The following HAUS2 variants were observed in gnomAD, a reference collection of about 807,000 sequenced individuals.
The protein encoded by HAUS2 is HAUS augmin like complex subunit 2.
Under a neutral mutation model 21.6 loss-of-function variants are expected in HAUS2, and 20 were observed. That is an observed-to-expected ratio of 0.93 (90% CI 0.65 to 1.35). The LOEUF (loss-of-function observed/expected upper bound fraction) is 1.35, where lower values mean the gene tolerates loss of function less well. Among genes scored for constraint, HAUS2 ranks in the 40% most tolerant of loss-of-function variants. The pLI is 0.00. For missense variants in HAUS2, 297 were observed against 280.7 expected, an observed-to-expected ratio of 1.06 and a Z score of -0.42; for synonymous variants, 113 against 95.6, an observed-to-expected ratio of 1.18 and a Z score of -1.06.
Position 42,558,208 on chromosome 15 carries a change from A to T in HAUS2, c.104A>T (p.Asn35Ile). ...TTCATTTACCAATAGGAGATGTTAA[A>T]CATGTCTAAGAAAACAGTTTCTTGT... ...ASGMVNQEML[N>I]MSKKTVSCFV... The change falls in exon 2 of 6, where the codon AAC becomes ATC. Residue 35 changes from asparagine to isoleucine, a missense_variant. Physicochemically the swap from Asn to Ile is moderately radical, Grantham distance 149. Coordinates refer to ENST00000260372, the MANE Select transcript of HAUS2 (RefSeq NM_018097.3). The T allele has an allele frequency of 7.0e-7, 1 of 1,434,148 alleles. No individual in the cohort carries two copies. The allele number at this position is 1,434,148 out of a possible 1,614,324, so 88.8% of individuals were successfully genotyped here.
intron 1 of HAUS2, among the ~76,000 whole-genome samples, chr15:42,557,329 TATATATA>T (rs2057789859): frequency 1.2e-5 from 1 of 86,152 alleles, no homozygotes; most frequent in South Asian, 3.1e-4. Context: ...ATATATATAT[TATATATA>T]ATATATATTT....
chr15:42,560,640 AGT>A (rs2057839558), intron 3 of HAUS2: 2 of 412,310 alleles, frequency 4.9e-6, no homozygotes, highest in Admixed American at 4.4e-5. Flanking sequence ...TTTTTTTAAG[AGT>A]GTGTCACTCT....
intron 1 of HAUS2, among the ~76,000 whole-genome samples, chr15:42,556,112 C>A (rs1406692247): frequency 6.7e-6 from 1 of 150,044 alleles, no homozygotes; most frequent in Non-Finnish European, 1.5e-5. Flanking sequence ...CCTGCCACCA[C>A]GCCTGGCTAA....
Position 42,568,110 on chromosome 15 carries a change from T to C in HAUS2, c.*1294T>C, listed in dbSNP as rs2057924333. On this transcript the variant is annotated 3_prime_UTR_variant, in exon 6 of 6. Transcript: ENST00000260372. ...ATTCCTGTGGGAATGTCACTAAGTA[T>C]GCAGAAAAGAGTAACACAGCCAGCC... is the stretch of plus-strand genomic sequence containing the variant. 1 of 152,218 alleles carries C rather than the reference T, an allele frequency of 6.6e-6. No homozygotes were observed. The highest frequency in any genetic ancestry group is 2.4e-5 in the African/African-American group (1 of 41,458). The allele number at this position is 152,218 out of a possible 1,614,324, so 9.4% of individuals were successfully genotyped here. A position where few individuals can be genotyped will look rare whatever the true frequency, so the allele number is the denominator to read the frequency against.
chr15:42,549,761 A>G (rs1341579818), intron 1 of HAUS2, among the ~76,000 whole-genome samples: 4 of 141,500 alleles, frequency 2.8e-5, no homozygotes, highest in African/African-American at 1.1e-4. Flanking sequence ...GGCATCTTTA[A>G]AGGCAAAAAA....
chr15:42,549,036 C>A, intron 1 of HAUS2, 71 bp downstream of exon 1: 2 of 997,588 alleles, frequency 2.0e-6, no homozygotes, highest in Non-Finnish European at 3.1e-6. Context: ...TGAGTTGGTG[C>A]TGCTGGCTGT....
In HAUS2 at chr15:42,569,295, T is replaced by TC. The variant is rs1364343531; in HGVS notation, c.*2481dup. The TC allele has an allele frequency of 6.8e-6, 1 of 147,278 alleles. No homozygotes were observed. The highest frequency in any genetic ancestry group is 2.6e-5 in the African/African-American group (1 of 38,824). 9.1% of individuals were successfully genotyped at this position (147,278 alleles called of 1,614,324 possible). ...TTGTTTTTTGTTTTGTTCTTTTCTT[T>TC]CCTTTTTTTTTTTTTTTTTTTAAAG... On this transcript the variant is annotated 3_prime_UTR_variant, in exon 6 of 6. Transcript: ENST00000260372.
intron 4 of HAUS2, among the ~76,000 whole-genome samples, chr15:42,563,192 G>A (rs2057868127): frequency 6.6e-6 from 1 of 151,830 alleles, no homozygotes; most frequent in Non-Finnish European, 1.5e-5. Context: ...CAAGGCTGGT[G>A]GATCACAAGG....
chr15:42,548,998 G>A (rs758703429), intron 1 of HAUS2, 33 bp downstream of exon 1: 2 of 1,350,860 alleles, frequency 1.5e-6, no homozygotes, highest in South Asian at 1.2e-5. Flanking sequence ...TCATCAAGGG[G>A]GTGCCCAAGG....
In HAUS2 at chr15:42,561,327, A is replaced by T. The variant is rs1224874305; in HGVS notation, c.314A>T (p.Glu105Val). 6.4e-7 allele frequency: 1 copy of T among 1,571,756 alleles called. No individual in the cohort carries two copies. The highest frequency in any genetic ancestry group is 1.7e-5 in the Admixed American group (1 of 59,980). ...AATCATTTGGAAGCAGTGCTGAAAGAGAAGAGATCCCTTAGGCAAAGACTG... is the reference window on the plus strand; with the variant it reads ...AATCATTTGGAAGCAGTGCTGAAAGTGAAGAGATCCCTTAGGCAAAGACTG... ...MNNHLEAVLK[E>V]KRSLRQRLLK... The change falls in exon 4 of 6, where the codon GAG becomes GTG. Residue 105 changes from glutamate (E) to valine (V), a missense_variant. By Grantham distance (121) the Glu-to-Val change is moderately radical (BLOSUM62 -2). Transcript: ENST00000260372.
intron 5 of HAUS2, among the ~76,000 whole-genome samples, chr15:42,564,268 T>TAA (rs750975585): frequency 4.6e-5 from 6 of 130,494 alleles, no homozygotes; most frequent in Non-Finnish European, 3.3e-5. Context: ...CATCTCCCAT[T>TAA]AAAAAAAAAA....
At chr15:42,556,122 ATTTTTTT>A (rs760982814) in intron 1 of HAUS2, among the ~76,000 whole-genome samples, 1 of 133,562 alleles carries the variant, frequency 7.5e-6, no homozygotes, top group African/African-American at 2.8e-5. Context: ...CGCCTGGCTA[ATTTTTTT>A]TTTTTTTTTT....
chr15:42,558,343 C>T lies in HAUS2; in HGVS notation c.186+53C>T, dbSNP rs185809108. The T allele has an allele frequency of 3.0e-4, 163 of 543,908 alleles. No homozygotes were observed. The East Asian group carries it at 6.4e-3, about 21-fold the overall frequency. 33.7% of individuals were successfully genotyped at this position (543,908 alleles called of 1,614,324 possible). On this transcript the variant is annotated intron_variant, in intron 2 of 5. Coordinates refer to ENST00000260372, the MANE Select transcript of HAUS2 (RefSeq NM_018097.3). ...TTTTTTTTTTTTTTTTTTTTTGAGA[C>T]GGAGTCTTGCTCTGTCACGCAGGCT...
intron 1 of HAUS2, among the ~76,000 whole-genome samples, chr15:42,557,981 C>T (rs1041213288): frequency 6.6e-6 from 1 of 151,598 alleles, no homozygotes; most frequent in African/African-American, 2.4e-5. Flanking sequence ...TTGTTTGTTT[C>T]TCTTATTTTT....
intron 1 of HAUS2, among the ~76,000 whole-genome samples, chr15:42,549,209 C>T (rs2057691806): frequency 6.6e-6 from 1 of 152,214 alleles, no homozygotes; most frequent in Admixed American, 6.5e-5. Flanking sequence ...AAATTTGTCC[C>T]AGTCCAGTTT....
chr15:42,553,023 A>T (rs2057740432), intron 1 of HAUS2, among the ~76,000 whole-genome samples: 1 of 139,552 alleles, frequency 7.2e-6, no homozygotes, highest in African/African-American at 2.7e-5. Context: ...TTTCGCTCTT[A>T]CTGCCCAGGG....
chr15:42,549,765 C>CAAAA (rs58614126), intron 1 of HAUS2, among the ~76,000 whole-genome samples: 12 of 58,108 alleles, frequency 2.1e-4, no homozygotes, highest in Non-Finnish European at 3.4e-4. Flanking sequence ...TCTTTAAAGG[C>CAAAA]AAAAAAAAAA....
At chr15:42,564,475 A>G (rs2057886246) in intron 5 of HAUS2, among the ~76,000 whole-genome samples, 1 of 152,108 alleles carries the variant, frequency 6.6e-6, no homozygotes, top group African/African-American at 2.4e-5. Flanking sequence ...TCAAATTCTC[A>G]ACGTTTGGTG....
At position 42,563,794 on chromosome 15, in the gene HAUS2, A is replaced by G. The variant is rs1172220485; in HGVS notation, c.435A>G (p.Arg145=). Residue 145 remains arginine, a synonymous_variant, in exon 5 of 6, where the codon AGA becomes AGG. Coordinates refer to ENST00000260372, the MANE Select transcript of HAUS2 (RefSeq NM_018097.3). Reference sequence around the variant, plus strand: ...AGTTGGCTGTGACTTTCATTGAGAGATTAGAAACCCACCTTGAAACAATTA... The same window carrying G: ...AGTTGGCTGTGACTTTCATTGAGAGGTTAGAAACCCACCTTGAAACAATTA... The part of the protein sequence containing the change: ...LLELAVTFIE[R]LETHLETIRN... 15 of 1,584,504 alleles carry G rather than the reference A, an allele frequency of 9.5e-6. No individual in the cohort carries two copies. Among genetic ancestry groups the G allele is most frequent in the Non-Finnish European group, 1.3e-5 (15 of 1,158,634 alleles).
Sources: allele counts gnomAD v4.1 joint callset (sites outside exome capture counted in the v4.1 genomes callset), GRCh38; gene constraint gnomAD v4.1.1; transcripts MANE v1.5; gene names NCBI Gene and HGNC (gene_info 2026-07-23, HGNC 2026-07-21).